OR4K1: variants seen among roughly 807,000 people sequenced by gnomAD.
OR4K1 encodes the protein olfactory receptor family 4 subfamily K member 1, also known as olfactory receptor 4K1.
Under a neutral mutation model 14.4 loss-of-function variants are expected in OR4K1, and 16 were observed. The ratio of observed to expected loss-of-function variants is 1.11; its 90% CI spans 0.75 to 1.68. OR4K1 has a LOEUF of 1.68. Ranked by LOEUF, OR4K1 falls within the 40% of genes most tolerant of loss-of-function variation. The pLI, the probability that OR4K1 is intolerant of heterozygous loss-of-function variation, is 0.00. For missense variants in OR4K1, 548 were observed against 376.9 expected (o/e 1.45, Z -3.76); for synonymous variants, 181 against 133.1 (o/e 1.36, Z -2.48).
the OR4K1 span, among the ~76,000 whole-genome samples, chr14:19,925,760 C>A: frequency 0.77 from 117,120 of 151,800 alleles, 41,640 homozygotes; most frequent in East Asian, 0.81. Flanking sequence ...TGTCATGGCT[C>A]GTGGGGAGAG....
chr14:19,932,318 C>G (rs1174456697), intron 1 of OR4K1, among the ~76,000 whole-genome samples: 1 of 151,614 alleles, frequency 6.6e-6, no homozygotes, highest in Non-Finnish European at 1.5e-5. Context: ...TTCTCCTTCT[C>G]CTTTTCCTTT....
the OR4K1 span, among the ~76,000 whole-genome samples, chr14:19,920,271 T>C: frequency 6.6e-6 from 1 of 152,342 alleles, no homozygotes; most frequent in Non-Finnish European, 1.5e-5. Context: ...AGCTGGACTC[T>C]AGGTCACTCC....
chr14:19,925,840 C>T, the OR4K1 span, among the ~76,000 whole-genome samples: 1 of 152,222 alleles, frequency 6.6e-6, no homozygotes, highest in Non-Finnish European at 1.5e-5. Context: ...AGACAACTGG[C>T]AATAGTATGA....
chr14:19,931,441 T>G (rs1163119877), intron 1 of OR4K1: 1 of 152,342 alleles, frequency 6.6e-6, no homozygotes, highest in Non-Finnish European at 1.5e-5. Context: ...CATTTATGCT[T>G]TCTGTTCAGT....
chr14:19,929,762 G>A (rs1456770443), upstream of OR4K1, among the ~76,000 whole-genome samples: 19 of 152,166 alleles, frequency 1.2e-4, no homozygotes, highest in Admixed American at 1.2e-3. Flanking sequence ...TGCTTGTCTG[G>A]TAAAAACAAA....
rs757256981 is a variant in OR4K1, at chr14:19,935,695, C to T, written c.29C>T (p.Ser10Phe). The change falls in exon 2 of 2, where the codon TCT becomes TTT. Residue 10 changes from serine (S) to phenylalanine (F), a missense_variant. Transcript: ENST00000641172. MAHTNESMV[S>F]EFVLLGLSNS... ...GCTCACACAAATGAATCGATGGTGTCTGAGTTTGTACTTTTGGGACTCTCT... is the reference window on the plus strand; with the variant it reads ...GCTCACACAAATGAATCGATGGTGTTTGAGTTTGTACTTTTGGGACTCTCT... 21 of 1,608,376 alleles carry T rather than the reference C, an allele frequency of 1.3e-5. No individual in the cohort carries two copies. In the African/African-American group the frequency reaches 2.6e-4, roughly 20 times the overall value.
intron 1 of OR4K1, among the ~76,000 whole-genome samples, chr14:19,932,482 G>A (rs910978111): frequency 2.0e-5 from 3 of 152,082 alleles, no homozygotes; most frequent in African/African-American, 2.4e-5. Context: ...AAGTGACATC[G>A]CCATTTCACA....
In OR4K1 at chr14:19,935,952, G is replaced by A. The variant is rs1326019402; in HGVS notation, c.286G>A (p.Gly96Ser). ...FIERKTISFE[G>S]CMAQIFVLHS... ...TGAGCGCAAGACTATCTCCTTTGAG[G>A]GTTGCATGGCCCAGATATTCGTTCT... The change falls in exon 2 of 2, where the codon GGT becomes AGT. Residue 96 changes from glycine (G) to serine (S), a missense_variant. Physicochemically the swap from Gly to Ser is moderately conservative, Grantham distance 56. Transcript: ENST00000641172. 6.2e-7 allele frequency: 1 copy of A among 1,614,196 alleles called. No individual in the cohort carries two copies.
rs1366542155 is a variant in OR4K1, at chr14:19,936,620, C to G, written c.*18C>G. The G allele has an allele frequency of 6.4e-7, 1 of 1,565,538 alleles. No individual in the cohort carries two copies. The highest frequency in any genetic ancestry group is 8.6e-7 in the Non-Finnish European group (1 of 1,156,094). On this transcript the variant is annotated 3_prime_UTR_variant, in exon 2 of 2. Transcript: ENST00000641172. The stretch of plus-strand genomic sequence containing the variant: ...AAAACTAGGGATCATTACGAAGGAG[C>G]ATAATCCTGAATTAGAATGAAGACC...
In OR4K1 at chr14:19,935,630, C is replaced by A. The variant is rs539043997; in HGVS notation, c.-19-18C>A. 4.0e-6 allele frequency: 6 copies of A among 1,503,012 alleles called. No homozygotes were observed. In the South Asian group the frequency reaches 5.2e-5, roughly 13 times the overall value. 93.1% of individuals were successfully genotyped at this position (1,503,012 alleles called of 1,614,324 possible). On this transcript the variant is annotated intron_variant, in intron 1 of 1. Transcript: ENST00000641172. ...TAATGCCAATCATTGTGACATTTTT[C>A]TGATTTCTTTTTTTTAGGTAACTGA...
chr14:19,931,829 G>A (rs1373727815), intron 1 of OR4K1, among the ~76,000 whole-genome samples: 1 of 152,228 alleles, frequency 6.6e-6, no homozygotes, highest in East Asian at 1.9e-4. Flanking sequence ...AAGCTTCTGG[G>A]TGCTCTGTGG....
At chr14:19,929,098 T>C (rs948342961), upstream of OR4K1, among the ~76,000 whole-genome samples, 4 of 151,860 alleles carry the variant, frequency 2.6e-5, no homozygotes, top group Admixed American at 6.6e-5. Flanking sequence ...CGTGCTTTTT[T>C]CTAATTTTTA....
the OR4K1 span, among the ~76,000 whole-genome samples, chr14:19,925,488 G>A: frequency 1.3e-5 from 2 of 152,176 alleles, no homozygotes; most frequent in Non-Finnish European, 2.9e-5. Flanking sequence ...ACCTTATTAG[G>A]GGATTTGTTT....
the OR4K1 span, among the ~76,000 whole-genome samples, chr14:19,923,781 C>G: frequency 3.3e-5 from 5 of 152,116 alleles, no homozygotes; most frequent in Non-Finnish European, 5.9e-5. Flanking sequence ...AATAGAAAAA[C>G]AGTATGGTAA....
the OR4K1 span, chr14:19,921,285 C>T: frequency 1.2e-6 from 2 of 1,614,164 alleles, no homozygotes; most frequent in Non-Finnish European, 1.7e-6. Flanking sequence ...TACAGTTTGG[C>T]TCAAGTCTTC....
the OR4K1 span, among the ~76,000 whole-genome samples, chr14:19,922,666 T>TTA: frequency 6.6e-6 from 1 of 151,830 alleles, no homozygotes; most frequent in African/African-American, 2.4e-5. Flanking sequence ...TTTTTTTTTT[T>TTA]ACTATTGCTT....
Position 19,932,097 on chromosome 14 carries a change from A to C in OR4K1, c.-20+952A>C, listed in dbSNP as rs571362781. On this transcript the variant is annotated intron_variant, in intron 1 of 1. Coordinates refer to ENST00000641172, the MANE Select transcript of OR4K1 (RefSeq NM_001004063.3). Reference sequence around the variant, plus strand: ...AAAAAATCATAGGAAGTTAGTTTGGAGAGGAATTTCTAGTTGTTTCCTATA... The same window carrying C: ...AAAAAATCATAGGAAGTTAGTTTGGCGAGGAATTTCTAGTTGTTTCCTATA... Among the ~76,000 whole-genome samples the C allele has an allele frequency of 3.3e-5, 5 of 152,380 alleles. No homozygotes were observed. In the South Asian group the frequency reaches 1.0e-3, roughly 32 times the overall value.
At chr14:19,932,948 AAAAT>A (rs1339752957) in intron 1 of OR4K1, among the ~76,000 whole-genome samples, 3 of 148,256 alleles carry the variant, frequency 2.0e-5, no homozygotes, top group African/African-American at 7.4e-5. Flanking sequence ...GCTTTATATA[AAAAT>A]AATAATATTT....
At chr14:19,922,066 G>A in the OR4K1 span, among the ~76,000 whole-genome samples, 318 of 128,562 alleles carry the variant, frequency 2.5e-3, 1 homozygote, top group African/African-American at 8.5e-3. Context: ...TAGGTTATGA[G>A]ACTCCCCCCC....
Sources: gnomAD v4.1 joint callset for allele counts (sites outside exome capture counted in the v4.1 genomes callset) on GRCh38, gnomAD v4.1.1 for gene constraint, MANE v1.5 for transcripts, NCBI Gene and HGNC (gene_info 2026-07-23, HGNC 2026-07-21) for gene names.